The following DIPK1C variants were observed in gnomAD, a reference collection of about 807,000 sequenced individuals.
The protein encoded by DIPK1C is divergent protein kinase domain 1C.
In DIPK1C, 33 loss-of-function variants were observed where a neutral mutation model predicts 28.0. The observed-to-expected ratio is 1.18, with a 90% CI of 0.89 to 1.58. DIPK1C has a LOEUF of 1.58. Among genes scored for constraint, DIPK1C ranks in the 40% most tolerant of loss-of-function variants. The pLI is 0.00. For missense variants in DIPK1C, 569 were observed against 568.5 expected (o/e 1.00, Z -0.01); for synonymous variants, 255 against 248.8 (o/e 1.02, Z -0.23).
intron 1 of DIPK1C, among the ~76,000 whole-genome samples, chr18:74,456,529 C>A (rs987792290): frequency 6.6e-6 from 1 of 152,214 alleles, no homozygotes; most frequent in Non-Finnish European, 1.5e-5. Flanking sequence ...GGCTCTGGAG[C>A]GCAGGGGGGC....
At chr18:74,460,767 TAGG>T (rs1346886595), upstream of DIPK1C, among the ~76,000 whole-genome samples, 2 of 152,242 alleles carry the variant, frequency 1.3e-5, no homozygotes, top group Non-Finnish European at 2.9e-5. Flanking sequence ...CTTAACTTGA[TAGG>T]AGTTCATTCA....
Position 74,435,476 on chromosome 18 carries a change from A to G in DIPK1C, c.*1025T>C, listed in dbSNP as rs1015086807. The G allele has an allele frequency of 2.6e-5, 4 of 152,184 alleles. No individual in the cohort carries two copies. The highest frequency in any genetic ancestry group is 2.9e-5 in the Non-Finnish European group (2 of 68,042). The allele number at this position is 152,184 out of a possible 1,614,324, so 9.4% of individuals were successfully genotyped here. A position where few individuals can be genotyped will look rare whatever the true frequency, so the allele number is the denominator to read the frequency against. ...CCTATCACTTGGTCTTCAATCCATCAAAAGAAAGGTGCTGGTCTCTGGTCC... is the reference window on the plus strand; with the variant it reads ...CCTATCACTTGGTCTTCAATCCATCGAAAGAAAGGTGCTGGTCTCTGGTCC... On this transcript the variant is annotated 3_prime_UTR_variant, in exon 4 of 4. Coordinates refer to ENST00000343998, the MANE Select transcript of DIPK1C (RefSeq NM_001044369.3).
intron 1 of DIPK1C, among the ~76,000 whole-genome samples, chr18:74,455,561 T>A (rs1451068876): frequency 2.6e-5 from 4 of 151,914 alleles, no homozygotes; most frequent in Non-Finnish European, 5.9e-5. Context: ...AAGGCCGAAG[T>A]GGGCGGATCG....
chr18:74,449,693 C>G (rs7242622), intron 1 of DIPK1C, among the ~76,000 whole-genome samples: 83,610 of 151,986 alleles, frequency 0.55, 25,002 homozygotes, highest in Non-Finnish European at 0.68. Flanking sequence ...TCAGGAACCT[C>G]GCCCTGGAGC....
chr18:74,458,150 C>T (rs1986560390), upstream of DIPK1C, among the ~76,000 whole-genome samples: 1 of 152,184 alleles, frequency 6.6e-6, no homozygotes, highest in Non-Finnish European at 1.5e-5. Context: ...CAGCATCCCC[C>T]ACCCCACCCA....
chr18:74,436,644 G>C lies in DIPK1C; in HGVS notation c.1117C>G (p.Leu373Val). ...TCCTGCACCGCCTCCTGTAACTGCA[G>C]CTGAAGCTGGAAAGAGACCGCAGAG... ...KSSAVSFQLQ[L>V]QLQEAVQECA... Residue 373 changes from leucine to valine, a missense_variant, in exon 4 of 4, where the codon CTG (leucine) becomes GTG (valine). Transcript: ENST00000343998. 6.2e-7 allele frequency: 1 copy of C among 1,614,002 alleles called. No homozygotes were observed. The highest frequency in any genetic ancestry group is 2.2e-5 in the East Asian group (1 of 44,876).
chr18:74,463,794 G>A, the DIPK1C span, among the ~76,000 whole-genome samples: 1 of 152,180 alleles, frequency 6.6e-6, no homozygotes, highest in Non-Finnish European at 1.5e-5. Flanking sequence ...AGAGAGCAGT[G>A]CTCCATTGTT....
chr18:74,449,126 G>A (rs9965577), intron 1 of DIPK1C, among the ~76,000 whole-genome samples: 28,703 of 151,934 alleles, frequency 0.19, 3,576 homozygotes, highest in East Asian at 0.54. Flanking sequence ...AAAATCCAAA[G>A]TCAAAAAGCC....
chr18:74,460,643 T>C (rs1214939085), upstream of DIPK1C, among the ~76,000 whole-genome samples: 1 of 152,206 alleles, frequency 6.6e-6, no homozygotes, highest in Non-Finnish European at 1.5e-5. Flanking sequence ...CTGCAGCTGC[T>C]CCAATGAGCG....
chr18:74,440,908 T>C (rs1200466974), intron 3 of DIPK1C, among the ~76,000 whole-genome samples: 1 of 152,206 alleles, frequency 6.6e-6, no homozygotes, highest in Non-Finnish European at 1.5e-5. Flanking sequence ...GCCACTACAT[T>C]CCTAGGCTTC....
At chr18:74,441,839 T>C (rs1986131875) in intron 3 of DIPK1C, 113 bp downstream of exon 3, 11 of 1,173,522 alleles carry the variant, frequency 9.4e-6, no homozygotes, top group South Asian at 2.9e-5. Flanking sequence ...TCGATCCAGA[T>C]GGATGGCCTG....
At chr18:74,453,490 T>C (rs749309975) in intron 1 of DIPK1C, among the ~76,000 whole-genome samples, 2 of 152,182 alleles carry the variant, frequency 1.3e-5, no homozygotes, top group Non-Finnish European at 2.9e-5. Flanking sequence ...TGTAGTCCCA[T>C]TGGGACCTTG....
chr18:74,461,331 C>T (rs1000727515), upstream of DIPK1C, among the ~76,000 whole-genome samples: 10 of 140,358 alleles, frequency 7.1e-5, no homozygotes, highest in Admixed American at 2.9e-4. Context: ...TTTTTCTTTT[C>T]CTTCCTTCCT....
intron 2 of DIPK1C, among the ~76,000 whole-genome samples, chr18:74,445,098 G>A (rs1318277851): frequency 2.0e-5 from 3 of 152,156 alleles, no homozygotes; most frequent in Non-Finnish European, 4.4e-5. Context: ...ATACCTGCTG[G>A]AGGAAGAAGG....
At chr18:74,461,424 A>C (rs1599045841), upstream of DIPK1C, among the ~76,000 whole-genome samples, 1 of 123,902 alleles carries the variant, frequency 8.1e-6, no homozygotes, top group African/African-American at 3.2e-5. Context: ...TTTTTTTGAG[A>C]CAGGGTCTCG....
rs146693882 is a variant in DIPK1C, at chr18:74,448,265, C to T, written c.199-982G>A. On this transcript the variant is annotated intron_variant, in intron 1 of 3. Transcript: ENST00000343998. ...GTTGAGTGTATTTCCTAATCCCGCCCATTTCCCCGACAAATGAATCTTCCT... is the reference window on the plus strand; with the variant it reads ...GTTGAGTGTATTTCCTAATCCCGCCTATTTCCCCGACAAATGAATCTTCCT... Among the ~76,000 whole-genome samples, 225 of 152,284 alleles carry T rather than the reference C, an allele frequency of 1.5e-3. 1 individual carries two copies. Among genetic ancestry groups the T allele is most frequent in the South Asian group, 3.7e-3 (18 of 4,822 alleles).
intron 3 of DIPK1C, among the ~76,000 whole-genome samples, chr18:74,439,683 G>A (rs1423780771): frequency 6.6e-6 from 1 of 152,040 alleles, no homozygotes; most frequent in Non-Finnish European, 1.5e-5. Flanking sequence ...AGCTACATGT[G>A]GTGGCACACA....
intron 1 of DIPK1C, among the ~76,000 whole-genome samples, chr18:74,451,616 G>C (rs1421300347): frequency 6.6e-6 from 1 of 152,230 alleles, no homozygotes; most frequent in Non-Finnish European, 1.5e-5. Flanking sequence ...CCAGCTCATG[G>C]ATTTTGGAAG....
chr18:74,450,568 G>A (rs1366673064), intron 1 of DIPK1C, among the ~76,000 whole-genome samples: 1 of 152,162 alleles, frequency 6.6e-6, no homozygotes, highest in Non-Finnish European at 1.5e-5. Context: ...GAGTGAGGAG[G>A]GTGCCTACTG....
Sources: gnomAD v4.1 joint callset for allele counts (sites outside exome capture counted in the v4.1 genomes callset) on GRCh38, gnomAD v4.1.1 for gene constraint, MANE v1.5 for transcripts, NCBI Gene and HGNC (gene_info 2026-07-23, HGNC 2026-07-21) for gene names.